CLEC2A: variants seen among roughly 807,000 people sequenced by gnomAD.
CLEC2A encodes the protein keratinocyte-associated C-type lectin.
In CLEC2A, 19 loss-of-function variants were observed where a neutral mutation model predicts 18.6. The observed-to-expected ratio is 1.02, with a 90% CI of 0.71 to 1.50. The LOEUF (loss-of-function observed/expected upper bound fraction) is 1.50, where lower values mean the gene tolerates loss of function less well. Ranked by LOEUF, CLEC2A falls within the 40% of genes most tolerant of loss-of-function variation. The pLI is 0.00. For missense variants in CLEC2A, 190 were observed against 207.9 expected (o/e 0.91, Z 0.53); for synonymous variants, 74 against 64.0 (o/e 1.16, Z -0.75).
At chr12:9,881,403 A>G in the CLEC2A span, 1 of 524,624 alleles carries the variant, frequency 1.9e-6, no homozygotes, top group Non-Finnish European at 3.4e-6. Context: ...TAACAAGCTT[A>G]TATCCATTTT....
chr12:9,879,899 T>A, the CLEC2A span, among the ~76,000 whole-genome samples: 1 of 152,236 alleles, frequency 6.6e-6, no homozygotes, highest in Non-Finnish European at 1.5e-5. Flanking sequence ...CACAGTAAAC[T>A]GCATGAGCAG....
chr12:9,906,806 G>T (rs1013848100), intron 4 of CLEC2A, among the ~76,000 whole-genome samples: 1 of 152,128 alleles, frequency 6.6e-6, no homozygotes, highest in Non-Finnish European at 1.5e-5. Context: ...TTCTAAATCT[G>T]GTCTGACTTT....
At chr12:9,895,894 A>C, downstream of CLEC2A, 1 of 1,416,498 alleles carries the variant, frequency 7.1e-7, no homozygotes, top group Non-Finnish European at 9.2e-7. Context: ...TTAAAGACTT[A>C]AGATTTTTAG....
intron 1 of CLEC2A, 140 bp from the exon 2 acceptor site, chr12:9,926,483 C>A: frequency 3.2e-6 from 2 of 617,738 alleles, no homozygotes; most frequent in Admixed American, 2.7e-5. Flanking sequence ...CAAAGGATAG[C>A]AAACCATCAA....
chr12:9,916,272 G>A (rs1181516469), intron 4 of CLEC2A, among the ~76,000 whole-genome samples: 1 of 151,944 alleles, frequency 6.6e-6, no homozygotes. Context: ...ATTGTGGTGG[G>A]CATTTGGAAT....
the CLEC2A span, among the ~76,000 whole-genome samples, chr12:9,889,491 G>C: frequency 1.3e-5 from 2 of 152,236 alleles, no homozygotes; most frequent in Middle Eastern, 3.4e-3. Context: ...CAAAGGAAGA[G>C]GAATTTTGAC....
chr12:9,931,510 T>C (rs1464202983), intron 1 of CLEC2A, among the ~76,000 whole-genome samples: 11 of 152,282 alleles, frequency 7.2e-5, no homozygotes, highest in African/African-American at 2.4e-4. Context: ...AGAAATCGTA[T>C]GGTAGATGAA....
chr12:9,920,679 G>C (rs576299907), intron 3 of CLEC2A, among the ~76,000 whole-genome samples: 2 of 152,288 alleles, frequency 1.3e-5, no homozygotes, highest in Middle Eastern at 3.4e-3. Flanking sequence ...GCGCACTCCA[G>C]CTACTTCTAG....
chr12:9,923,125 T>TCAACC (rs1425277538), intron 2 of CLEC2A, among the ~76,000 whole-genome samples: 1 of 152,208 alleles, frequency 6.6e-6, no homozygotes, highest in Non-Finnish European at 1.5e-5. Context: ...GCTGCACCTA[T>TCAACC]CAACCCATCT....
At chr12:9,914,473 G>A (rs1310459637) in intron 4 of CLEC2A, among the ~76,000 whole-genome samples, 1 of 152,136 alleles carries the variant, frequency 6.6e-6, no homozygotes, top group Non-Finnish European at 1.5e-5. Context: ...ATGCTACAAG[G>A]CTACAGTAAC....
the CLEC2A span, chr12:9,884,927 A>G: frequency 3.9e-6 from 4 of 1,018,290 alleles, no homozygotes; most frequent in East Asian, 3.2e-5. Flanking sequence ...AAAATTCAAC[A>G]TTTCAGATTT....
At chr12:9,926,421 C>A in intron 1 of CLEC2A, 78 bp from the exon 2 acceptor site, 1 of 858,556 alleles carries the variant, frequency 1.2e-6, no homozygotes, top group South Asian at 1.5e-5. Flanking sequence ...TATTCCTCTC[C>A]TATAATTGTT....
At chr12:9,902,233 ATTTTTTTTT>A (rs3994065) in intron 4 of CLEC2A, among the ~76,000 whole-genome samples, 2 of 132,576 alleles carry the variant, frequency 1.5e-5, no homozygotes, top group African/African-American at 5.6e-5. Flanking sequence ...AAGGTTTGCC[ATTTTTTTTT>A]TTTTTTTTTG....
chr12:9,893,006 A>C, the CLEC2A span: 3 of 1,526,190 alleles, frequency 2.0e-6, no homozygotes, highest in Non-Finnish European at 2.6e-6. Flanking sequence ...ATTTTCCCCT[A>C]TGTTTTCCTT....
the CLEC2A span, chr12:9,893,215 A>C: frequency 6.7e-7 from 1 of 1,500,312 alleles, no homozygotes; most frequent in Non-Finnish European, 8.9e-7. Context: ...AAAATGGCTT[A>C]GGTGCAAGTT....
the CLEC2A span, chr12:9,881,549 T>C: frequency 7.5e-7 from 1 of 1,341,418 alleles, no homozygotes; most frequent in South Asian, 1.3e-5. Flanking sequence ...AGTTTCCATT[T>C]TCTTTGTACT....
At chr12:9,882,957 T>G in the CLEC2A span, among the ~76,000 whole-genome samples, 1 of 152,206 alleles carries the variant, frequency 6.6e-6, no homozygotes, top group African/African-American at 2.4e-5. Flanking sequence ...ATCTATAAAC[T>G]ACTTTTTAAT....
chr12:9,891,267 G>C, the CLEC2A span, among the ~76,000 whole-genome samples: 2 of 152,188 alleles, frequency 1.3e-5, no homozygotes, highest in African/African-American at 4.8e-5. Context: ...TAATAGAGCA[G>C]TTGATATAAA....
At chr12:9,907,328 G>C (rs1251985112) in intron 4 of CLEC2A, among the ~76,000 whole-genome samples, 1 of 152,172 alleles carries the variant, frequency 6.6e-6, no homozygotes, top group Admixed American at 6.5e-5. Context: ...GTCCACAGAA[G>C]ATGGTCAGGT....
Sources: gnomAD v4.1 joint callset for allele counts (sites outside exome capture counted in the v4.1 genomes callset) on GRCh38, gnomAD v4.1.1 for gene constraint, MANE v1.5 for transcripts, NCBI Gene and HGNC (gene_info 2026-07-23, HGNC 2026-07-21) for gene names.